The following MACF1 variants were observed in gnomAD, a reference collection of about 807,000 sequenced individuals.
MACF1 encodes microtubule actin crosslinking factor 1, also known as microtubule-actin cross-linking factor 1.
A neutral mutation model predicts 854.8 loss-of-function variants in MACF1; 193 were observed. The ratio of observed to expected loss-of-function variants is 0.23; its 90% CI spans 0.20 to 0.25. The LOEUF (loss-of-function observed/expected upper bound fraction) is 0.25, where lower values mean the gene tolerates loss of function less well. MACF1 is among the 10% of genes least tolerant of loss of function. The probability of loss-of-function intolerance (pLI) is 1.00; values close to 1 mark genes in which losing one functional copy is unlikely to be tolerated. For synonymous variants in MACF1, 3,185 were observed against 3,226.7 expected (o/e 0.99, Z 0.44); for missense variants, 7,722 against 8,929.1 (o/e 0.86, Z 5.45).
chr1:39,113,891 C>T (rs766276604), intron 2 of MACF1, among the ~76,000 whole-genome samples: 4 of 152,074 alleles, frequency 2.6e-5, no homozygotes, highest in Non-Finnish European at 5.9e-5. Flanking sequence ...CAAAAATTAG[C>T]CAGGCATGGT....
At chr1:39,471,173 G>A (rs1227617291) in intron 97 of MACF1, among the ~76,000 whole-genome samples, 2 of 152,188 alleles carry the variant, frequency 1.3e-5, no homozygotes, top group East Asian at 3.8e-4. Flanking sequence ...AACTCTGTCA[G>A]TGATGGGCAG....
intron 2 of MACF1, among the ~76,000 whole-genome samples, chr1:39,238,156 G>A (rs931153751): frequency 1.3e-5 from 2 of 152,172 alleles, no homozygotes; most frequent in Non-Finnish European, 2.9e-5. Flanking sequence ...TAGATGAAGG[G>A]AAGGTGTGAG....
chr1:39,334,181 A>G lies in MACF1; in HGVS notation c.7593A>G (p.Leu2531=), dbSNP rs1571350834. The G allele has an allele frequency of 1.2e-6, 2 of 1,614,198 alleles. No individual in the cohort carries two copies. Among genetic ancestry groups the G allele is most frequent in the African/African-American group, 1.3e-5 (1 of 75,062 alleles). The change falls in exon 37 of 101, where the codon TTA becomes TTG. Residue 2531 remains leucine (L), a synonymous_variant. Transcript: ENST00000564288. ...GACATGGCTTAATTGGTGAAGATTT[A>G]GCCGAGAAACTCAAAAGAGTTGAGA... ...AFRHGLIGED[L]AEKLKRVENL...
intron 2 of MACF1, among the ~76,000 whole-genome samples, chr1:39,119,970 G>T (rs984734927): frequency 7.2e-6 from 1 of 138,924 alleles, no homozygotes. Flanking sequence ...CGCAACCTCT[G>T]CCTCCCAGGT....
At chr1:39,272,648 G>C (rs1236593119) in intron 6 of MACF1, among the ~76,000 whole-genome samples, 1 of 152,234 alleles carries the variant, frequency 6.6e-6, no homozygotes, top group Non-Finnish European at 1.5e-5. Flanking sequence ...CCAGGCTATG[G>C]ATAGACATAA....
rs548761194 is a variant in MACF1, at chr1:39,285,240, A to G, written c.1259+30A>G. The G allele has an allele frequency of 1.1e-5, 17 of 1,614,198 alleles. 1 individual carries two copies. The highest frequency in any genetic ancestry group is 6.6e-5 in the South Asian group (6 of 91,088). On this transcript the variant is annotated intron_variant, in intron 12 of 100. Transcript: ENST00000564288. ...GTCCAGATCCTGAGAGTGGTCTGAC[A>G]TTATTTATTGAGCTGCTGTGAACCT...
chr1:39,441,484 T>C (rs1644115990), intron 74 of MACF1, among the ~76,000 whole-genome samples, 159 bp downstream of exon 74: 1 of 152,226 alleles, frequency 6.6e-6, no homozygotes, highest in African/African-American at 2.4e-5. Flanking sequence ...CCACTTGTAG[T>C]GAAAAAAGTA....
At chr1:39,258,053 C>A in intron 6 of MACF1, 25 bp downstream of exon 6, 1 of 1,588,480 alleles carries the variant, frequency 6.3e-7, no homozygotes, top group Admixed American at 1.7e-5. Flanking sequence ...GTTTGGAATT[C>A]CTGTTGCTTT....
At chr1:39,444,895 G>A in intron 80 of MACF1, 60 bp downstream of exon 80, 1 of 1,436,834 alleles carries the variant, frequency 7.0e-7, no homozygotes, top group Non-Finnish European at 9.4e-7. Flanking sequence ...TATAATAATT[G>A]CCATCTTATT....
chr1:39,207,655 C>G (rs1271945077), intron 1 of MACF1, among the ~76,000 whole-genome samples: 2 of 152,038 alleles, frequency 1.3e-5, no homozygotes, highest in Admixed American at 1.3e-4. Context: ...TTCAGGCTCT[C>G]GTCTCAATTT....
At position 39,350,870 on chromosome 1, in the gene MACF1, C is replaced by T; in HGVS notation, c.11051C>T (p.Thr3684Ile). The change falls in exon 43 of 101, where the codon ACC becomes ATC. Residue 3684 changes from threonine to isoleucine, a missense_variant. Thr to Ile is a moderately conservative substitution (Grantham distance 89). Transcript: ENST00000564288. ...DIEGFMEENQ[T>I]KLSPRELTAL... ...GAGGGGTTCATGGAAGAGAATCAGA[C>T]CAAGCTGAGCCCACGTGAGTTGACA... is the stretch of plus-strand genomic sequence containing the variant. The T allele has an allele frequency of 6.2e-7, 1 of 1,614,046 alleles. No homozygotes were observed. Among genetic ancestry groups the T allele is most frequent in the East Asian group, 2.2e-5 (1 of 44,866 alleles).
chr1:39,455,692 C>T (rs556543407), intron 89 of MACF1, among the ~76,000 whole-genome samples: 3 of 152,222 alleles, frequency 2.0e-5, no homozygotes, highest in African/African-American at 7.2e-5. Context: ...TTTTATTGAC[C>T]ATCATTTGAG....
intron 99 of MACF1, among the ~76,000 whole-genome samples, chr1:39,482,447 ATTT>A (rs1645026733): frequency 1.3e-5 from 2 of 152,222 alleles, no homozygotes; most frequent in African/African-American, 4.8e-5. Flanking sequence ...TACATAATTG[ATTT>A]CAAAGAAAAA....
intron 58 of MACF1, chr1:39,411,044 C>G: frequency 6.2e-7 from 1 of 1,613,732 alleles, no homozygotes; most frequent in East Asian, 2.2e-5. Context: ...GCAACCTGGC[C>G]GAGGGCCACA....
chr1:39,422,023 C>T (rs113138641), intron 58 of MACF1, among the ~76,000 whole-genome samples: 71 of 151,694 alleles, frequency 4.7e-4, no homozygotes, highest in African/African-American at 1.4e-3. Flanking sequence ...TGCAGTGAGC[C>T]GAGATCACGC....
chr1:39,477,045 G>GTATATA (rs745911075), intron 97 of MACF1, among the ~76,000 whole-genome samples: 9 of 63,740 alleles, frequency 1.4e-4, no homozygotes, highest in African/African-American at 1.9e-4. Flanking sequence ...TACACTTAGT[G>GTATATA]TATATATATA....
intron 15 of MACF1, among the ~76,000 whole-genome samples, chr1:39,290,001 G>C (rs1330675377): frequency 1.3e-5 from 2 of 151,838 alleles, no homozygotes; most frequent in Non-Finnish European, 2.9e-5. Flanking sequence ...CACCTGGCCT[G>C]TCCCTTTCCT....
At chr1:39,404,142 T>TAAGG (rs1469650268) in intron 58 of MACF1, among the ~76,000 whole-genome samples, 1 of 133,690 alleles carries the variant, frequency 7.5e-6, no homozygotes, top group African/African-American at 3.3e-5. Flanking sequence ...AATAAATAAA[T>TAAGG]AAGTAAGTAA....
chr1:39,341,766 G>A (rs951689677), intron 40 of MACF1, among the ~76,000 whole-genome samples: 4 of 151,490 alleles, frequency 2.6e-5, no homozygotes, highest in African/African-American at 9.7e-5. Flanking sequence ...GCTATTCTCT[G>A]AGAGACCATC....
Sources: allele counts gnomAD v4.1 joint callset (sites outside exome capture counted in the v4.1 genomes callset), GRCh38; gene constraint gnomAD v4.1.1; transcripts MANE v1.5; gene names NCBI Gene and HGNC (gene_info 2026-07-23, HGNC 2026-07-21).